Variants in KIAA1549L observed in about 807,000 individuals in gnomAD.
KIAA1549L encodes the protein UPF0606 protein KIAA1549L.
Under a neutral mutation model 160.7 loss-of-function variants are expected in KIAA1549L, and 88 were observed. The ratio of observed to expected loss-of-function variants is 0.55; its 90% CI spans 0.46 to 0.65. The LOEUF is 0.65. KIAA1549L is among the 30% of genes least tolerant of loss of function. The pLI, the probability that KIAA1549L is intolerant of heterozygous loss-of-function variation, is 0.00. For missense variants in KIAA1549L, 2,258 were observed against 2,437.5 expected (o/e 0.93, Z 1.55); for synonymous variants, 950 against 976.7 (o/e 0.97, Z 0.51).
chr11:33,634,514 A>C (rs1021122115), intron 16 of KIAA1549L, among the ~76,000 whole-genome samples: 1 of 152,020 alleles, frequency 6.6e-6, no homozygotes, highest in African/African-American at 2.4e-5. Flanking sequence ...AGTGGTTGCA[A>C]CTCAAGGCAA....
Position 33,617,184 on chromosome 11 carries a change from T to C in KIAA1549L, c.5280-1349T>C, listed in dbSNP as rs78157299. ...TGGAGAGTTTTCTGAAGATAGATAG[T>C]CTTAGAATGCAAGTTAATCACAGGG... On this transcript the variant is annotated intron_variant, in intron 15 of 20. Transcript: ENST00000658780. Among the ~76,000 whole-genome samples, 604 of 149,724 alleles carry C rather than the reference T, an allele frequency of 4.0e-3. 6 individuals carry two copies. Among genetic ancestry groups the C allele is most frequent in the African/African-American group, 0.014 (581 of 40,488 alleles).
At chr11:33,644,476 A>AAT (rs1310205163) in intron 16 of KIAA1549L, among the ~76,000 whole-genome samples, 1 of 152,232 alleles carries the variant, frequency 6.6e-6, no homozygotes, top group East Asian at 1.9e-4. Flanking sequence ...ATTACATGGA[A>AAT]ATATGTGTGG....
At chr11:33,591,862 A>G (rs1188372238) in intron 12 of KIAA1549L, among the ~76,000 whole-genome samples, 1 of 152,240 alleles carries the variant, frequency 6.6e-6, no homozygotes, top group Non-Finnish European at 1.5e-5. Flanking sequence ...AAAAATGTGT[A>G]AGATTGATTT....
chr11:33,381,035 C>T lies in KIAA1549L; in HGVS notation c.238+4146C>T, dbSNP rs562035048. Among the ~76,000 whole-genome samples the T allele has an allele frequency of 7.9e-5, 12 of 151,872 alleles. No individual in the cohort carries two copies. The East Asian group carries it at 1.6e-3, about 20-fold the overall frequency. On this transcript the variant is annotated intron_variant, in intron 1 of 20. Coordinates refer to ENST00000658780, the MANE Select transcript of KIAA1549L (RefSeq NM_012194.3). ...AGAGAGAATGGGGCTTGTTTTTGTTCGTTACCGTTACCTCAGAATATTGAG... is the reference window on the plus strand; with the variant it reads ...AGAGAGAATGGGGCTTGTTTTTGTTTGTTACCGTTACCTCAGAATATTGAG...
At chr11:33,454,962 G>A (rs545665335) in intron 1 of KIAA1549L, among the ~76,000 whole-genome samples, 6 of 152,176 alleles carry the variant, frequency 3.9e-5, no homozygotes, top group South Asian at 4.2e-4. Flanking sequence ...GGTGGCAGGC[G>A]CCTGTAGTCC....
chr11:33,636,216 G>A (rs928033265), intron 16 of KIAA1549L, among the ~76,000 whole-genome samples: 2 of 152,062 alleles, frequency 1.3e-5, no homozygotes, highest in Admixed American at 6.6e-5. Flanking sequence ...GGGTGAGAGT[G>A]GTAACGCAAT....
At chr11:33,544,369 G>A (rs751340132) in intron 2 of KIAA1549L, 33 bp downstream of exon 2, 52 of 1,604,984 alleles carry the variant, frequency 3.2e-5, no homozygotes, top group South Asian at 1.5e-4. Flanking sequence ...TTTGTTTCCC[G>A]GTACCCCCAA....
At chr11:33,568,042 T>C (rs201220105) in intron 8 of KIAA1549L, 34 bp from the exon 9 acceptor site, 6 of 1,561,462 alleles carry the variant, frequency 3.8e-6, no homozygotes, top group Non-Finnish European at 5.2e-6. Flanking sequence ...AAAGTCTGCC[T>C]TCTGAGCCTC....
At chr11:33,643,318 C>G (rs541591616) in intron 16 of KIAA1549L, among the ~76,000 whole-genome samples, 6 of 152,258 alleles carry the variant, frequency 3.9e-5, no homozygotes, top group Admixed American at 2.6e-4. Flanking sequence ...ACCAACCTTA[C>G]TCGGAGAACT....
chr11:33,387,223 T>C (rs1021079969), intron 1 of KIAA1549L, among the ~76,000 whole-genome samples: 1 of 152,228 alleles, frequency 6.6e-6, no homozygotes, highest in Admixed American at 6.5e-5. Flanking sequence ...TTACAGATGA[T>C]ATTGAAGATC....
At chr11:33,494,081 G>A (rs1852758561) in intron 1 of KIAA1549L, among the ~76,000 whole-genome samples, 1 of 152,134 alleles carries the variant, frequency 6.6e-6, no homozygotes, top group South Asian at 2.1e-4. Context: ...GAACTGCCTT[G>A]GTTTCCATGC....
intron 1 of KIAA1549L, among the ~76,000 whole-genome samples, chr11:33,424,227 C>T (rs1851074107): frequency 6.6e-6 from 1 of 152,162 alleles, no homozygotes; most frequent in Non-Finnish European, 1.5e-5. Context: ...TGCTTATTGA[C>T]TTTCTGGGCC....
chr11:33,429,492 A>C (rs565114144), intron 1 of KIAA1549L, among the ~76,000 whole-genome samples: 2 of 152,156 alleles, frequency 1.3e-5, no homozygotes, highest in South Asian at 4.2e-4. Flanking sequence ...CAATCTGTCA[A>C]ATCCAGTGGT....
chr11:33,486,185 C>T (rs979791032), intron 1 of KIAA1549L, among the ~76,000 whole-genome samples: 11 of 151,796 alleles, frequency 7.2e-5, no homozygotes, highest in African/African-American at 1.5e-4. Flanking sequence ...TTTTTCAAAA[C>T]GACGAGAGGT....
Position 33,606,802 on chromosome 11 carries a change from T to A in KIAA1549L, c.5041T>A (p.Ser1681Thr). 1 of 1,610,394 alleles carries A rather than the reference T, an allele frequency of 6.2e-7. No individual in the cohort carries two copies. The highest frequency in any genetic ancestry group is 2.2e-5 in the East Asian group (1 of 44,732). ...PPTSDRSQES[S>T]AVLNGEVNKA... ...CACCTCGGACAGGAGCCAGGAGTCA[T>A]CGGCAGTCCTCAACGGCGAGGTAAG... The change falls in exon 14 of 21, where the codon TCG (serine) becomes ACG (threonine). Residue 1681 changes from serine to threonine, a missense_variant. By Grantham distance (58) the Ser-to-Thr change is moderately conservative. Transcript: ENST00000658780.
At chr11:33,500,780 T>C (rs1852928631) in intron 1 of KIAA1549L, among the ~76,000 whole-genome samples, 1 of 152,138 alleles carries the variant, frequency 6.6e-6, no homozygotes, top group South Asian at 2.1e-4. Flanking sequence ...CCAAAATATA[T>C]ACAAATGTTG....
chr11:33,411,551 T>G (rs2615946), intron 1 of KIAA1549L, among the ~76,000 whole-genome samples: 4,516 of 152,336 alleles, frequency 0.03, 222 homozygotes, highest in African/African-American at 0.1. Context: ...TGGAAACTCT[T>G]GGGTCATTGC....
intron 1 of KIAA1549L, among the ~76,000 whole-genome samples, chr11:33,535,957 C>T (rs531449065): frequency 2.6e-5 from 4 of 152,246 alleles, no homozygotes; most frequent in African/African-American, 9.6e-5. Context: ...GTCTTATGGC[C>T]TTCCATAATG....
intron 1 of KIAA1549L, among the ~76,000 whole-genome samples, chr11:33,471,890 A>T (rs549619086): frequency 2.0e-5 from 3 of 152,338 alleles, no homozygotes; most frequent in South Asian, 4.1e-4. Context: ...TCAGAACCTT[A>T]TGAACAGTCT....
Sources: allele counts gnomAD v4.1 joint callset (sites outside exome capture counted in the v4.1 genomes callset), GRCh38; gene constraint gnomAD v4.1.1; transcripts MANE v1.5; gene names NCBI Gene and HGNC (gene_info 2026-07-23, HGNC 2026-07-21).